The following TMEM44 variants were observed in gnomAD, a reference collection of about 807,000 sequenced individuals.
TMEM44 encodes the protein transmembrane protein 44.
In TMEM44, 43 loss-of-function variants were observed where a neutral mutation model predicts 47.8. The ratio of observed to expected loss-of-function variants is 0.90; its 90% CI spans 0.70 to 1.16. TMEM44 has a LOEUF of 1.16. Ranked by LOEUF, TMEM44 falls within the 50% of genes most tolerant of loss-of-function variation. The pLI is 0.00. For synonymous variants in TMEM44, 277 were observed against 238.8 expected (o/e 1.16, Z -1.48); for missense variants, 568 against 555.2 (o/e 1.02, Z -0.23).
Position 194,628,412 on chromosome 3 carries a change from C to A in TMEM44, c.235G>T (p.Ala79Ser). The A allele has an allele frequency of 1.2e-6, 2 of 1,612,240 alleles. No individual in the cohort carries two copies. The highest frequency in any genetic ancestry group is 1.1e-5 in the South Asian group (1 of 90,688). ...LLTSLCDTVG[A>S]LLARQLTIQV... Reference sequence around the variant, plus strand: ...ATTGTGAGCTGTCTGGCCAGAAGAGCCCCGACGGTGTCACACAGACTGGTC... The same window carrying A: ...ATTGTGAGCTGTCTGGCCAGAAGAGACCCGACGGTGTCACACAGACTGGTC... Residue 79 changes from alanine (A) to serine (S), a missense_variant, in exon 2 of 10, where the codon GCT becomes TCT. By Grantham distance (99) the Ala-to-Ser change is moderately conservative. Coordinates refer to ENST00000347147, the MANE Select transcript of TMEM44 (RefSeq NM_001011655.3).
At chr3:194,623,166 C>T (rs1222643912) in intron 5 of TMEM44, 58 bp downstream of exon 5, 1 of 1,515,720 alleles carries the variant, frequency 6.6e-7, no homozygotes, top group African/African-American at 1.4e-5. Context: ...TCAGGATGCT[C>T]CCAGATGCCC....
At chr3:194,601,966 G>A (rs61138746) in intron 9 of TMEM44, among the ~76,000 whole-genome samples, 8,658 of 152,104 alleles carry the variant, frequency 0.057, 799 homozygotes, top group African/African-American at 0.2. Context: ...CCTCCCCGTC[G>A]CCATCCCTGA....
At chr3:194,605,607 C>G (rs113760948) in intron 8 of TMEM44, among the ~76,000 whole-genome samples, 1 of 152,202 alleles carries the variant, frequency 6.6e-6, no homozygotes, top group South Asian at 2.1e-4. Context: ...TTCACTGTCA[C>G]GAGAACAGCA....
At chr3:194,606,509 GCCCAGGTC>G (rs1248339970) in intron 8 of TMEM44, among the ~76,000 whole-genome samples, 2 of 152,124 alleles carry the variant, frequency 1.3e-5, no homozygotes, top group African/African-American at 4.8e-5. Flanking sequence ...CTTCATAAAA[GCCCAGGTC>G]CCTGAATCGG....
intron 8 of TMEM44, 144 bp from the exon 9 acceptor site, chr3:194,604,589 C>T: frequency 9.3e-7 from 1 of 1,073,514 alleles, no homozygotes; most frequent in Non-Finnish European, 1.3e-6. Flanking sequence ...CTGCCCTGGC[C>T]ATCCAGCTCT....
At chr3:194,615,184 G>T (rs1715743472) in intron 7 of TMEM44, among the ~76,000 whole-genome samples, 1 of 152,168 alleles carries the variant, frequency 6.6e-6, no homozygotes, top group South Asian at 2.1e-4. Flanking sequence ...GGAGGTTGCA[G>T]TGAGCTGAGA....
In TMEM44 at chr3:194,604,514, A is replaced by G. The variant is rs529920513; in HGVS notation, c.1018-69T>C. The G allele has an allele frequency of 1.0e-5, 15 of 1,449,250 alleles. No individual in the cohort carries two copies. The Admixed American group carries it at 1.6e-4, about 15-fold the overall frequency. The allele number at this position is 1,449,250 out of a possible 1,614,324, so 89.8% of individuals were successfully genotyped here. On this transcript the variant is annotated intron_variant, in intron 8 of 9. Transcript: ENST00000347147. Reference sequence around the variant, plus strand: ...GTTTTGATGGTTGAATTGTCAAAGCATTCACATACTTCAGTGTTCAAAATG... The same window carrying G: ...GTTTTGATGGTTGAATTGTCAAAGCGTTCACATACTTCAGTGTTCAAAATG...
chr3:194,618,100 CA>C (rs1560187388), intron 5 of TMEM44, among the ~76,000 whole-genome samples: 1 of 152,168 alleles, frequency 6.6e-6, no homozygotes, highest in Admixed American at 6.5e-5. Context: ...TCCTTTAGAG[CA>C]ATGCAAGAAC....
At chr3:194,620,247 T>C (rs7634683) in intron 5 of TMEM44, among the ~76,000 whole-genome samples, 24,402 of 140,824 alleles carry the variant, frequency 0.17, 2,935 homozygotes, top group African/African-American at 0.36. Flanking sequence ...GCCGAGATCG[T>C]GCCATTGCAC....
In TMEM44 at chr3:194,588,571, G is replaced by A. The variant is rs950820848; in HGVS notation, c.1245C>T (p.His415=). 6.2e-7 allele frequency: 1 copy of A among 1,614,184 alleles called. No individual in the cohort carries two copies. The highest frequency in any genetic ancestry group is 8.5e-7 in the Non-Finnish European group (1 of 1,180,036). The change falls in exon 10 of 10, where the codon CAC becomes CAT. Residue 415 remains histidine, a synonymous_variant. Transcript: ENST00000347147. The part of the protein sequence containing the change: ...ENVELLGSQV[H]QDSVRTAHLS... Reference sequence around the variant, plus strand: ...GGTGTGCTGTCCTCACAGAGTCCTGGTGCACCTGGGATCCCAGTAGCTCCA... The same window carrying A: ...GGTGTGCTGTCCTCACAGAGTCCTGATGCACCTGGGATCCCAGTAGCTCCA...
In TMEM44 at chr3:194,604,330, GA is replaced by G; in HGVS notation, c.1132del (p.Ser378ProfsTer21). On this transcript the variant is annotated frameshift_variant, in exon 9 of 10. Transcript: ENST00000347147. LOFTEE classifies it high-confidence loss of function. ...GGAGGAGACCTCAGAGGAGCTGCCG[GA>G]AGACACCCGGGCCCGGATGACCTGA... ...PVQVIRARVS[S>X]GSSSEVSSIN... 1 of 1,578,866 alleles carries G rather than the reference GA, an allele frequency of 6.3e-7. No individual in the cohort carries two copies. The highest frequency in any genetic ancestry group is 1.3e-5 in the African/African-American group (1 of 74,202).
chr3:194,625,811 G>T, intron 3 of TMEM44, 86 bp downstream of exon 3: 1 of 1,245,114 alleles, frequency 8.0e-7, no homozygotes, highest in Non-Finnish European at 1.2e-6. Flanking sequence ...GCTGGGGCCC[G>T]CTCTGGGAGT....
chr3:194,615,423 G>A (rs1715771123), intron 7 of TMEM44, 146 bp downstream of exon 7: 2 of 1,150,752 alleles, frequency 1.7e-6, no homozygotes, highest in Non-Finnish European at 1.2e-6. Context: ...TTCCCTCAGC[G>A]AGACAGGACA....
At chr3:194,599,946 G>A (rs2109161418) in intron 9 of TMEM44, among the ~76,000 whole-genome samples, 1 of 152,128 alleles carries the variant, frequency 6.6e-6, no homozygotes, top group Admixed American at 6.5e-5. Flanking sequence ...TTTTAGTTGA[G>A]ATGGGGTTTG....
chr3:194,605,367 T>C (rs984075338), intron 8 of TMEM44, among the ~76,000 whole-genome samples: 1 of 152,214 alleles, frequency 6.6e-6, no homozygotes, highest in African/African-American at 2.4e-5. Context: ...TAATTAACCA[T>C]GTGATCTAAT....
At chr3:194,594,996 C>T (rs951044531) in intron 9 of TMEM44, among the ~76,000 whole-genome samples, 1 of 152,132 alleles carries the variant, frequency 6.6e-6, no homozygotes, top group African/African-American at 2.4e-5. Context: ...CTCTCCTCAA[C>T]CCCCCAGCCT....
At chr3:194,628,333 G>C (rs551808664) in intron 2 of TMEM44, 50 bp downstream of exon 2, 1 of 1,577,078 alleles carries the variant, frequency 6.3e-7, no homozygotes, top group Admixed American at 1.8e-5. Flanking sequence ...GAAAGGCCAG[G>C]CCTCCCTTAG....
intron 9 of TMEM44, among the ~76,000 whole-genome samples, chr3:194,591,182 G>A (rs775741667): frequency 1.3e-5 from 2 of 151,408 alleles, no homozygotes; most frequent in Non-Finnish European, 2.9e-5. Context: ...CAACAAGAGC[G>A]AAACTCCATC....
intron 7 of TMEM44, among the ~76,000 whole-genome samples, chr3:194,615,251 A>G (rs550218652): frequency 6.6e-6 from 1 of 151,928 alleles, no homozygotes; most frequent in East Asian, 1.9e-4. Context: ...CAATCAATCA[A>G]TAGATTAAAA....
Sources: gnomAD v4.1 joint callset for allele counts (sites outside exome capture counted in the v4.1 genomes callset) on GRCh38, gnomAD v4.1.1 for gene constraint, MANE v1.5 for transcripts, NCBI Gene and HGNC (gene_info 2026-07-23, HGNC 2026-07-21) for gene names.